The following MACROD1 variants were observed in gnomAD, a reference collection of about 807,000 sequenced individuals.
MACROD1 encodes the protein ADP-ribose glycohydrolase MACROD1.
A neutral mutation model predicts 41.4 loss-of-function variants in MACROD1; 31 were observed. The ratio of observed to expected loss-of-function variants is 0.75; its 90% CI spans 0.56 to 1.01. MACROD1 has a LOEUF of 1.01. MACROD1 is among the 50% of genes least tolerant of loss of function. The probability of loss-of-function intolerance (pLI) is 0.00; values close to 1 mark genes in which losing one functional copy is unlikely to be tolerated. For synonymous variants in MACROD1, 252 were observed against 203.4 expected (o/e 1.24, Z -2.03); for missense variants, 473 against 460.0 (o/e 1.03, Z -0.26).
At position 64,065,791 on chromosome 11, in the gene MACROD1, A is replaced by G. The variant is rs1426678281; in HGVS notation, c.518-50510T>C. Among the ~76,000 whole-genome samples, 3 of 82,596 alleles carry G rather than the reference A, an allele frequency of 3.6e-5. No homozygotes were observed. In the African/African-American group the frequency reaches 4.8e-4, roughly 13 times the overall value. 54.2% of individuals were successfully genotyped at this position (82,596 alleles called of 152,430 possible). A position where few individuals can be genotyped will look rare whatever the true frequency, so the allele number is the denominator to read the frequency against. On this transcript the variant is annotated intron_variant, in intron 3 of 10. Transcript: ENST00000255681. The stretch of plus-strand genomic sequence containing the variant: ...GGCGACAGAGCACGACTCCGCCTCA[A>G]AAAAAAAAAAAAAAAAAAAGATGAA...
Position 64,152,912 on chromosome 11 carries a change from C to T in MACROD1, c.299-519G>A, listed in dbSNP as rs186425160. Reference sequence around the variant, plus strand: ...TCCAGGAGCTGCAGGACCAAGTGGACCTGGCACCTGTCCCCAACATCCCCC... The same window carrying T: ...TCCAGGAGCTGCAGGACCAAGTGGATCTGGCACCTGTCCCCAACATCCCCC... On this transcript the variant is annotated intron_variant, in intron 1 of 10. Transcript: ENST00000255681. Among the ~76,000 whole-genome samples the T allele has an allele frequency of 2.0e-3, 303 of 152,330 alleles. 2 individuals are homozygous for T. Among genetic ancestry groups the T allele is most frequent in the African/African-American group, 6.9e-3 (285 of 41,582 alleles).
At chr11:64,135,872 C>T (rs1036117139) in intron 3 of MACROD1, among the ~76,000 whole-genome samples, 16 of 152,196 alleles carry the variant, frequency 1.1e-4, no homozygotes, top group African/African-American at 3.9e-4. Flanking sequence ...CTCGTTGGCA[C>T]CCCGCGCCTG....
At chr11:64,160,813 C>CT (rs199940624) in intron 1 of MACROD1, among the ~76,000 whole-genome samples, 49 of 100,860 alleles carry the variant, frequency 4.9e-4, no homozygotes, top group Admixed American at 2.9e-3. Context: ...GAGACCATAT[C>CT]TAAAAAAAAA....
chr11:64,125,525 G>A (rs533712416), intron 3 of MACROD1, among the ~76,000 whole-genome samples: 14 of 152,322 alleles, frequency 9.2e-5, no homozygotes, highest in Admixed American at 5.9e-4. Flanking sequence ...GCCCAGGCAC[G>A]AGTGTTGGCA....
intron 3 of MACROD1, among the ~76,000 whole-genome samples, chr11:64,150,029 C>T (rs1310001529): frequency 1.3e-5 from 2 of 152,238 alleles, no homozygotes; most frequent in Admixed American, 6.5e-5. Flanking sequence ...CTCCTGCCTA[C>T]GTGTAACCTG....
At chr11:64,095,886 C>T (rs917161157) in intron 3 of MACROD1, among the ~76,000 whole-genome samples, 10 of 152,116 alleles carry the variant, frequency 6.6e-5, no homozygotes, top group African/African-American at 1.9e-4. Context: ...AAGGGGCAGC[C>T]GAGGGAGGGA....
chr11:64,149,858 G>C (rs1158427925), intron 3 of MACROD1, among the ~76,000 whole-genome samples: 1 of 152,232 alleles, frequency 6.6e-6, no homozygotes, highest in Non-Finnish European at 1.5e-5. Flanking sequence ...CCGCTGTAAT[G>C]TCTGCCAACC....
At chr11:64,117,544 T>A (rs770341979) in intron 3 of MACROD1, 5 of 1,603,798 alleles carry the variant, frequency 3.1e-6, no homozygotes, top group Non-Finnish European at 4.3e-6. Context: ...GACTCCAACA[T>A]TGACTACCCC....
intron 1 of MACROD1, among the ~76,000 whole-genome samples, chr11:64,155,948 A>C (rs1472770596): frequency 6.6e-6 from 1 of 151,918 alleles, no homozygotes; most frequent in Non-Finnish European, 1.5e-5. Context: ...ATCTCTACTA[A>C]AAATACAAAA....
intron 3 of MACROD1, among the ~76,000 whole-genome samples, chr11:64,024,846 G>A (rs866879639): frequency 3.9e-5 from 6 of 152,176 alleles, no homozygotes; most frequent in African/African-American, 7.2e-5. Flanking sequence ...GGGCAGGCCC[G>A]ACTGCCCCGT....
intron 3 of MACROD1, among the ~76,000 whole-genome samples, chr11:64,125,945 G>A (rs1214564268): frequency 6.6e-6 from 1 of 152,168 alleles, no homozygotes. Flanking sequence ...ACCACAAACC[G>A]ACAATCAAAG....
At chr11:64,035,770 G>T (rs959154549) in intron 3 of MACROD1, among the ~76,000 whole-genome samples, 1 of 16,104 alleles carries the variant, frequency 6.2e-5, no homozygotes, top group East Asian at 2.0e-3. Context: ...CTGCACGCAC[G>T]GCCCCCGCCG....
At chr11:64,162,111 G>C (rs984182467) in intron 1 of MACROD1, among the ~76,000 whole-genome samples, 4 of 151,796 alleles carry the variant, frequency 2.6e-5, no homozygotes, top group Non-Finnish European at 5.9e-5. Context: ...GGAGGCCGAG[G>C]TGGGTAGATC....
chr11:64,159,059 C>T (rs1401747443), intron 1 of MACROD1, among the ~76,000 whole-genome samples: 1 of 152,048 alleles, frequency 6.6e-6, no homozygotes, highest in African/African-American at 2.4e-5. Context: ...CAGGGGCTCA[C>T]ACCTGTAATT....
At position 64,115,334 on chromosome 11, in the gene MACROD1, C is replaced by T. The variant is rs192007229; in HGVS notation, c.517+35905G>A. 5.9e-5 allele frequency among the ~76,000 whole-genome samples: 9 copies of T among 152,264 alleles called. No individual in the cohort carries two copies. The East Asian group carries it at 1.5e-3, about 26-fold the overall frequency. ...CCCTCAGAGTACAGACGTGACTCCTCCCTCCTTTTATTTGTCTCATTCCTT... is the reference window on the plus strand; with the variant it reads ...CCCTCAGAGTACAGACGTGACTCCTTCCTCCTTTTATTTGTCTCATTCCTT... On this transcript the variant is annotated intron_variant, in intron 3 of 10. Transcript: ENST00000255681.
At chr11:64,076,919 G>A (rs1944212281) in intron 3 of MACROD1, among the ~76,000 whole-genome samples, 1 of 152,212 alleles carries the variant, frequency 6.6e-6, no homozygotes. Context: ...ACTTCTTCAT[G>A]TGGAAGGGAT....
chr11:64,117,995 C>A (rs35851449), intron 3 of MACROD1: 1 of 1,613,776 alleles, frequency 6.2e-7, no homozygotes, highest in Non-Finnish European at 8.5e-7. Flanking sequence ...TCTGCTGGTA[C>A]GTGCACCAGG....
At chr11:64,054,224 G>A (rs1943743578) in intron 3 of MACROD1, among the ~76,000 whole-genome samples, 1 of 152,232 alleles carries the variant, frequency 6.6e-6, no homozygotes, top group African/African-American at 2.4e-5. Flanking sequence ...TTCCAGGTTT[G>A]AGAGGACAGA....
chr11:63,999,589 G>C (rs892617075), intron 6 of MACROD1, 29 bp from the exon 7 acceptor site: 7 of 1,610,298 alleles, frequency 4.3e-6, no homozygotes, highest in Non-Finnish European at 5.9e-6. Context: ...GAGGGGGTTG[G>C]AACATTGTCA....
Sources: gnomAD v4.1 joint callset for allele counts (sites outside exome capture counted in the v4.1 genomes callset) on GRCh38, gnomAD v4.1.1 for gene constraint, MANE v1.5 for transcripts, NCBI Gene and HGNC (gene_info 2026-07-23, HGNC 2026-07-21) for gene names.